The following PKP4 variants were observed in gnomAD, a reference collection of about 807,000 sequenced individuals.
PKP4 encodes plakophilin 4.
A neutral mutation model predicts 145.1 loss-of-function variants in PKP4; 90 were observed. The ratio of observed to expected loss-of-function variants is 0.62; its 90% CI spans 0.52 to 0.74. The LOEUF is 0.74. PKP4 is among the 30% of genes least tolerant of loss of function. The pLI, the probability that PKP4 is intolerant of heterozygous loss-of-function variation, is 0.00. For synonymous variants in PKP4, 563 were observed against 577.2 expected, an observed-to-expected ratio of 0.98 and a Z score of 0.35; for missense variants, 1,340 against 1,482.7, an observed-to-expected ratio of 0.90 and a Z score of 1.58.
At chr2:158,533,477 A>G in intron 2 of PKP4, 161 bp downstream of exon 2, 1 of 821,570 alleles carries the variant, frequency 1.2e-6, no homozygotes, top group African/African-American at 1.7e-5. Context: ...ACTGGCATGT[A>G]GAGCCGCTCC....
chr2:158,521,975 T>G (rs1264809829), intron 1 of PKP4, among the ~76,000 whole-genome samples: 1 of 152,204 alleles, frequency 6.6e-6, no homozygotes, highest in Non-Finnish European at 1.5e-5. Flanking sequence ...TTTTATTAAT[T>G]TGTTCTTAGG....
intron 21 of PKP4, among the ~76,000 whole-genome samples, chr2:158,680,060 T>C (rs1034983371): frequency 3.9e-5 from 6 of 152,182 alleles, no homozygotes; most frequent in Non-Finnish European, 7.3e-5. Context: ...AAACCAAATA[T>C]CAAGACCATC....
At chr2:158,470,475 T>G (rs939573143) in intron 1 of PKP4, among the ~76,000 whole-genome samples, 2 of 152,188 alleles carry the variant, frequency 1.3e-5, no homozygotes, top group Non-Finnish European at 2.9e-5. Flanking sequence ...TAATAGTATC[T>G]AACTTTTTTG....
At chr2:158,565,435 C>CTTTTTTTTTTTTTTTTTTTTCTTT (rs10690465) in intron 2 of PKP4, among the ~76,000 whole-genome samples, 1 of 135,766 alleles carries the variant, frequency 7.4e-6, no homozygotes, top group African/African-American at 2.7e-5. Flanking sequence ...TTCTTTTTTC[C>CTTTTTTTTTTTTTTTTTTTTCTTT]TTTTTTTTTT....
chr2:158,481,607 A>G (rs1693365927), intron 1 of PKP4, among the ~76,000 whole-genome samples: 1 of 152,192 alleles, frequency 6.6e-6, no homozygotes, highest in Admixed American at 6.5e-5. Flanking sequence ...GATACCTCAT[A>G]GTAGTTTTGA....
Position 158,676,757 on chromosome 2 carries a change from C to T in PKP4, c.3146C>T (p.Ser1049Leu). The change falls in exon 20 of 22, where the codon TCA becomes TTA. Residue 1049 changes from serine to leucine, a missense_variant. Physicochemically the swap from Ser to Leu is moderately radical, Grantham distance 145. Coordinates refer to ENST00000389759, the MANE Select transcript of PKP4 (RefSeq NM_003628.6). The stretch of plus-strand genomic sequence containing the variant: ...CCTTCAGTCGGCAGCACCTCTTCCT[C>T]ACCAGCACTGTTAGGAATCAGAGAC... Reference protein sequence around the residue: ...IIQSVGSTSSSPALLGIRDPR... With the variant: ...IIQSVGSTSSLPALLGIRDPR... The T allele has an allele frequency of 1.2e-6, 2 of 1,614,118 alleles. No individual in the cohort carries two copies. The highest frequency in any genetic ancestry group is 1.7e-6 in the Non-Finnish European group (2 of 1,179,978).
At chr2:158,606,513 C>G (rs537022915) in intron 4 of PKP4, among the ~76,000 whole-genome samples, 405 of 152,134 alleles carry the variant, frequency 2.7e-3, no homozygotes, top group Admixed American at 4.6e-3. Context: ...TAATTTTTCT[C>G]CTGATTCTAA....
At chr2:158,598,468 T>A (rs575693339) in intron 3 of PKP4, among the ~76,000 whole-genome samples, 70 of 152,252 alleles carry the variant, frequency 4.6e-4, no homozygotes, top group African/African-American at 9.6e-4. Flanking sequence ...AAACATTTTT[T>A]AAAAATATTC....
intron 1 of PKP4, among the ~76,000 whole-genome samples, chr2:158,506,971 T>C (rs2041040534): frequency 6.6e-6 from 1 of 152,236 alleles, no homozygotes; most frequent in Non-Finnish European, 1.5e-5. Flanking sequence ...TTGCTGCTAC[T>C]ATTTGTCTCT....
chr2:158,567,232 A>G (rs1376853673), intron 2 of PKP4, among the ~76,000 whole-genome samples: 3 of 152,178 alleles, frequency 2.0e-5, no homozygotes, highest in African/African-American at 4.8e-5. Context: ...ACAGAACACT[A>G]TACCCTAGGG....
At chr2:158,492,599 C>T (rs1362580660) in intron 1 of PKP4, among the ~76,000 whole-genome samples, 2 of 152,246 alleles carry the variant, frequency 1.3e-5, no homozygotes, top group African/African-American at 4.8e-5. Flanking sequence ...TACTCTTCAT[C>T]TGTCTTGCCC....
intron 1 of PKP4, among the ~76,000 whole-genome samples, chr2:158,464,267 C>G (rs1690233985): frequency 6.6e-6 from 1 of 152,154 alleles, no homozygotes. Flanking sequence ...ATAGGGAACT[C>G]GTCAATCCAT....
Position 158,669,762 on chromosome 2 carries a change from G to T in PKP4, c.2771G>T (p.Gly924Val). The T allele has an allele frequency of 6.2e-7, 1 of 1,604,722 alleles. No individual in the cohort carries two copies. The highest frequency in any genetic ancestry group is 8.5e-7 in the Non-Finnish European group (1 of 1,173,930). Residue 924 changes from glycine (G) to valine (V), a missense_variant, in exon 17 of 22, where the codon GGC (glycine) becomes GTC (valine). Gly to Val is a moderately radical substitution (Grantham distance 109). Coordinates refer to ENST00000389759, the MANE Select transcript of PKP4 (RefSeq NM_003628.6). ...GACCTGGTCAACCGGCTCCCCGGCG[G>T]CAATGGCCCCAGTGTCTTGTCTGAT... ...MRDLVNRLPG[G>V]NGPSVLSDET...
chr2:158,538,838 G>T, intron 2 of PKP4, among the ~76,000 whole-genome samples: 1 of 152,046 alleles, frequency 6.6e-6, no homozygotes. Context: ...CACCACACCT[G>T]GCCCACAAAC....
At position 158,631,856 on chromosome 2, in the gene PKP4, C is replaced by G. The variant is rs1343977792; in HGVS notation, c.1257C>G (p.Thr419=). The part of the protein sequence containing the change: ...LHITPIYEGR[T]YYSPVYRSPN... Reference sequence around the variant, plus strand: ...TTACTCCTATATATGAGGGGAGGACCTATTACAGCCCAGTGTACCGCAGCC... The same window carrying G: ...TTACTCCTATATATGAGGGGAGGACGTATTACAGCCCAGTGTACCGCAGCC... Residue 419 remains threonine, a synonymous_variant, in exon 8 of 22, where the codon ACC becomes ACG. Coordinates refer to ENST00000389759, the MANE Select transcript of PKP4 (RefSeq NM_003628.6). The G allele has an allele frequency of 3.1e-6, 5 of 1,613,976 alleles. No homozygotes were observed. Among genetic ancestry groups the G allele is most frequent in the Admixed American group, 1.7e-5 (1 of 59,998 alleles).
intron 1 of PKP4, among the ~76,000 whole-genome samples, chr2:158,476,651 T>G (rs1403065422): frequency 6.6e-6 from 1 of 152,070 alleles, no homozygotes; most frequent in Admixed American, 6.6e-5. Flanking sequence ...TTATTTGAAA[T>G]AAAATAGTCT....
chr2:158,672,697 A>G (rs1381286589), intron 17 of PKP4, among the ~76,000 whole-genome samples: 1 of 152,154 alleles, frequency 6.6e-6, no homozygotes, highest in Non-Finnish European at 1.5e-5. Flanking sequence ...AAGGTTAGAA[A>G]GGCTTTGAGT....
chr2:158,496,719 T>C (rs1695763611), intron 1 of PKP4, among the ~76,000 whole-genome samples: 1 of 151,958 alleles, frequency 6.6e-6, no homozygotes, highest in South Asian at 2.1e-4. Context: ...TCTCAGTCAG[T>C]GTCTCTCTTT....
chr2:158,494,133 A>C (rs1695343175), intron 1 of PKP4, among the ~76,000 whole-genome samples: 1 of 152,216 alleles, frequency 6.6e-6, no homozygotes, highest in African/African-American at 2.4e-5. Context: ...ATTTGTACTT[A>C]GCATACTGCT....
Sources: allele counts gnomAD v4.1 joint callset (sites outside exome capture counted in the v4.1 genomes callset), GRCh38; gene constraint gnomAD v4.1.1; transcripts MANE v1.5; gene names NCBI Gene and HGNC (gene_info 2026-07-23, HGNC 2026-07-21).